Variants in KIF26B observed in about 807,000 individuals in gnomAD.
KIF26B encodes kinesin family member 26B, also known as kinesin-like protein KIF26B.
Under a neutral mutation model 151.2 loss-of-function variants are expected in KIF26B, and 63 were observed. The observed-to-expected ratio is 0.42, with a 90% CI of 0.34 to 0.51. The LOEUF (loss-of-function observed/expected upper bound fraction) is 0.51, where lower values mean the gene tolerates loss of function less well. Among genes scored for constraint, KIF26B ranks in the 20% least tolerant of loss-of-function variants. The pLI, the probability that KIF26B is intolerant of heterozygous loss-of-function variation, is 0.07. For synonymous variants in KIF26B, 1,357 were observed against 1,262.1 expected, an observed-to-expected ratio of 1.08 and a Z score of -1.59; for missense variants, 2,813 against 2,913.6, an observed-to-expected ratio of 0.97 and a Z score of 0.79.
At chr1:245,332,620 T>C (rs904274240) in intron 2 of KIF26B, among the ~76,000 whole-genome samples, 1 of 152,148 alleles carries the variant, frequency 6.6e-6, no homozygotes, top group African/African-American at 2.4e-5. Flanking sequence ...TGCTGACATG[T>C]TGTGAGTCGT....
At chr1:245,650,729 ACT>A (rs1263387426) in intron 10 of KIF26B, among the ~76,000 whole-genome samples, 4 of 152,272 alleles carry the variant, frequency 2.6e-5, no homozygotes, top group Admixed American at 1.3e-4. Flanking sequence ...GTTTCTAAAC[ACT>A]CTGTTTCTAA....
chr1:245,465,297 T>C (rs1179374728), intron 4 of KIF26B, among the ~76,000 whole-genome samples: 1 of 152,048 alleles, frequency 6.6e-6, no homozygotes, highest in Non-Finnish European at 1.5e-5. Flanking sequence ...CATTTCTTCC[T>C]CCAGCCGCCT....
chr1:245,568,184 CAAAAAAAAAAAAAAAAAAAA>C (rs61494632), intron 5 of KIF26B, among the ~76,000 whole-genome samples: 1 of 28,674 alleles, frequency 3.5e-5, no homozygotes, highest in African/African-American at 1.3e-4. Context: ...AACTCCATCT[CAAAAAAAAAAAAAAAAAAAA>C]AAAAAAAAAA....
chr1:245,368,467 A>G (rs1010698315), intron 3 of KIF26B, among the ~76,000 whole-genome samples: 1 of 152,148 alleles, frequency 6.6e-6, no homozygotes, highest in Non-Finnish European at 1.5e-5. Context: ...CTCAGAGAAG[A>G]TAGTTGGTAC....
At chr1:245,699,488 T>C (rs865801120) in intron 14 of KIF26B, among the ~76,000 whole-genome samples, 13 of 149,578 alleles carry the variant, frequency 8.7e-5, no homozygotes, top group South Asian at 4.2e-4. Flanking sequence ...AAAACATTTT[T>C]GAGTGGAAAA....
chr1:245,622,393 G>A (rs1238933256), intron 9 of KIF26B, among the ~76,000 whole-genome samples: 1 of 152,120 alleles, frequency 6.6e-6, no homozygotes, highest in Non-Finnish European at 1.5e-5. Context: ...AGGAAGGGGT[G>A]GAGGCAGATT....
chr1:245,655,421 T>C (rs1193257099), intron 10 of KIF26B, among the ~76,000 whole-genome samples: 1 of 152,232 alleles, frequency 6.6e-6, no homozygotes, highest in African/African-American at 2.4e-5. Flanking sequence ...TCTTTTCTTT[T>C]GACCAAGTAG....
At chr1:245,474,832 G>A (rs1229411408) in intron 4 of KIF26B, among the ~76,000 whole-genome samples, 2 of 151,788 alleles carry the variant, frequency 1.3e-5, no homozygotes, top group African/African-American at 4.8e-5. Context: ...TCTACTCTCT[G>A]TCTTCACCAA....
intron 4 of KIF26B, among the ~76,000 whole-genome samples, chr1:245,535,003 G>A (rs992775808): frequency 2.6e-5 from 4 of 151,900 alleles, no homozygotes; most frequent in Non-Finnish European, 5.9e-5. Flanking sequence ...GGCTGGTCTC[G>A]ATCTCCTGAC....
intron 2 of KIF26B, among the ~76,000 whole-genome samples, chr1:245,325,923 GGCTAAATGCTGCTCCCTCGCTTATT>G (rs1383725355): frequency 3.9e-5 from 6 of 152,108 alleles, no homozygotes; most frequent in African/African-American, 1.4e-4. Flanking sequence ...CTGCGTGTGA[GGCTAAATGCTGCTCCCTCGCTTATT>G]GCTAAATGGA....
At chr1:245,514,302 G>A (rs547715807) in intron 4 of KIF26B, among the ~76,000 whole-genome samples, 42 of 152,170 alleles carry the variant, frequency 2.8e-4, no homozygotes, top group African/African-American at 9.4e-4. Flanking sequence ...CGAGGCGGGC[G>A]GATCACTTGA....
At chr1:245,541,400 G>A (rs1383514115) in intron 5 of KIF26B, among the ~76,000 whole-genome samples, 1 of 152,218 alleles carries the variant, frequency 6.6e-6, no homozygotes, top group African/African-American at 2.4e-5. Flanking sequence ...TGAGGGGATT[G>A]TGAGGAACGC....
chr1:245,582,859 G>A (rs553794496), intron 5 of KIF26B, among the ~76,000 whole-genome samples: 2 of 152,278 alleles, frequency 1.3e-5, no homozygotes, highest in South Asian at 2.1e-4. Context: ...TGAGCCATCT[G>A]CAGATGCGTG....
intron 12 of KIF26B, among the ~76,000 whole-genome samples, chr1:245,690,364 C>T (rs924709723): frequency 6.6e-6 from 1 of 152,112 alleles, no homozygotes; most frequent in African/African-American, 2.4e-5. Context: ...GTGCCCGCAG[C>T]ATATGTGGAA....
intron 5 of KIF26B, among the ~76,000 whole-genome samples, chr1:245,549,618 A>C (rs1661829836): frequency 1.3e-5 from 2 of 152,220 alleles, no homozygotes; most frequent in Admixed American, 6.5e-5. Flanking sequence ...GGTGAGTCCA[A>C]ACTGCTGAGT....
At position 245,658,451 on chromosome 1, in the gene KIF26B, C is replaced by T. The variant is rs79917218; in HGVS notation, c.2258+12171C>T. Among the ~76,000 whole-genome samples, 595 of 152,276 alleles carry T rather than the reference C, an allele frequency of 3.9e-3. 2 individuals are homozygous for T. The highest frequency in any genetic ancestry group is 0.013 in the African/African-American group (556 of 41,560). Reference sequence around the variant, plus strand: ...TGTCACTCCGTCACCCAGACTGGAACGCAGTGACACCAACAAGGCTCGCTG... The same window carrying T: ...TGTCACTCCGTCACCCAGACTGGAATGCAGTGACACCAACAAGGCTCGCTG... On this transcript the variant is annotated intron_variant, in intron 10 of 14. Coordinates refer to ENST00000407071, the MANE Select transcript of KIF26B (RefSeq NM_018012.4).
intron 2 of KIF26B, among the ~76,000 whole-genome samples, chr1:245,266,690 A>G (rs1002969594): frequency 1.2e-4 from 19 of 152,070 alleles, no homozygotes; most frequent in African/African-American, 4.3e-4. Context: ...TATTTTTAGT[A>G]GGGACGGGGT....
At chr1:245,442,306 A>G (rs1240037056) in intron 4 of KIF26B, among the ~76,000 whole-genome samples, 2 of 152,084 alleles carry the variant, frequency 1.3e-5, no homozygotes, top group Non-Finnish European at 2.9e-5. Context: ...AATCTTGTGC[A>G]TCTTCTTATA....
At chr1:245,627,893 A>C (rs2043741243) in intron 9 of KIF26B, among the ~76,000 whole-genome samples, 1 of 152,186 alleles carries the variant, frequency 6.6e-6, no homozygotes, top group African/African-American at 2.4e-5. Context: ...GAAATGGATA[A>C]ATTCCTGGAC....
Sources: gnomAD v4.1 joint callset for allele counts (sites outside exome capture counted in the v4.1 genomes callset) on GRCh38, gnomAD v4.1.1 for gene constraint, MANE v1.5 for transcripts, NCBI Gene and HGNC (gene_info 2026-07-23, HGNC 2026-07-21) for gene names.